The following SURF6 variants were observed in gnomAD, a reference collection of about 807,000 sequenced individuals.
SURF6 encodes the protein surfeit 6.
A neutral mutation model predicts 37.5 loss-of-function variants in SURF6; 28 were observed. The ratio of observed to expected loss-of-function variants is 0.75; its 90% confidence interval spans 0.55 to 1.02. The LOEUF (loss-of-function observed/expected upper bound fraction) is 1.02. SURF6 is among the 50% of genes least tolerant of loss of function. The pLI is 0.00. For synonymous variants in SURF6, 248 were observed against 210.9 expected (o/e 1.18, Z -1.52); for missense variants, 560 against 490.5 (o/e 1.14, Z -1.34).
rs2129920783 is a variant in SURF6, at chr9:133,332,712, TCCG to T, written c.439_441del (p.Arg148del). Reference sequence around the variant, plus strand: ...TTCTTCCGGTCCCGTTCCTGCTTTCTCCGCCGCCTTTTCTCCAAGGCGGCAGGG... The same window carrying T: ...TTCTTCCGGTCCCGTTCCTGCTTTCTCCGCCTTTTCTCCAAGGCGGCAGGG... On this transcript the variant is annotated inframe_deletion, in exon 4 of 5. Coordinates refer to ENST00000372022, the MANE Select transcript of SURF6 (RefSeq NM_006753.6). The T allele has an allele frequency of 7.4e-6, 12 of 1,611,976 alleles. No individual in the cohort carries two copies. Among genetic ancestry groups the T allele is most frequent in the Non-Finnish European group, 1.0e-5 (12 of 1,180,012 alleles).
rs1835704870 is a variant in SURF6, at chr9:133,330,742, G to A, written c.*1127C>T. ...AGCTCAAATTTTTTTTAATGACATT[G>A]GGATACGGTCAGATAACGACACTGA... On this transcript the variant is annotated 3_prime_UTR_variant, in exon 5 of 5. Transcript: ENST00000372022. The A allele has an allele frequency of 6.6e-6, 1 of 151,960 alleles. No homozygotes were observed. Among genetic ancestry groups the A allele is most frequent in the Non-Finnish European group, 1.5e-5 (1 of 68,002 alleles). 9.4% of individuals were successfully genotyped at this position (151,960 alleles called of 1,614,324 possible). A position where few individuals can be genotyped will look rare whatever the true frequency, so the allele number is the denominator to read the frequency against.
chr9:133,335,803 G>A (rs1835859674), intron 1 of SURF6, among the ~76,000 whole-genome samples: 1 of 152,154 alleles, frequency 6.6e-6, no homozygotes, highest in Non-Finnish European at 1.5e-5. Flanking sequence ...GTGAACCCGG[G>A]AGACGGAGCT....
intron 3 of SURF6, 59 bp downstream of exon 3, chr9:133,333,659 G>T: frequency 6.5e-7 from 1 of 1,535,400 alleles, no homozygotes; most frequent in South Asian, 1.1e-5. Context: ...GCTGACAGCT[G>T]ACCCCAGGGA....
In SURF6 at chr9:133,332,603, G is replaced by A; in HGVS notation, c.551C>T (p.Thr184Ile). 1 of 1,610,342 alleles carries A rather than the reference G, an allele frequency of 6.2e-7. No individual in the cohort carries two copies. The highest frequency in any genetic ancestry group is 8.5e-7 in the Non-Finnish European group (1 of 1,180,004). ...ATEAQEVVEA[T>I]PEGACTEPRE... ...CGGCTCCGTGCAGGCCCCCTCTGGG[G>A]TTGCCTCCACCACCTCCTGGGCCTC... The change falls in exon 4 of 5, where the codon ACC becomes ATC. Residue 184 changes from threonine (T) to isoleucine (I), a missense_variant. Thr to Ile is a moderately conservative substitution (Grantham distance 89). Coordinates refer to ENST00000372022, the MANE Select transcript of SURF6 (RefSeq NM_006753.6).
Position 133,329,142 on chromosome 9 carries a change from C to CA in SURF6, c.*2726dup, listed in dbSNP as rs2129901339. 5.9e-5 allele frequency: 9 copies of CA among 153,124 alleles called. No individual in the cohort carries two copies. Among genetic ancestry groups the CA allele is most frequent in the African/African-American group, 1.7e-4 (7 of 41,472 alleles). 9.5% of individuals were successfully genotyped at this position (153,124 alleles called of 1,614,324 possible). On this transcript the variant is annotated 3_prime_UTR_variant, in exon 5 of 5. Transcript: ENST00000372022. ...AGCCGAGGCAGAGAGAGAGAGGAGA[C>CA]AGAGAGAAAGACAGCTTATGCCATT...
rs2129928061 is a variant in SURF6 at position 133,334,530 on chromosome 9, G to A, written c.166C>T (p.Arg56Trp). 1.3e-5 allele frequency: 21 copies of A among 1,613,776 alleles called. No homozygotes were observed. The highest frequency in any genetic ancestry group is 3.3e-5 in the Admixed American group (2 of 59,994). The change falls in exon 2 of 5, where the codon CGG becomes TGG. Residue 56 changes from arginine to tryptophan, a missense_variant. Transcript: ENST00000372022. ...KKRKKTQKKFRKREEKAAEHK... is the reference protein window; with the variant it reads ...KKRKKTQKKFWKREEKAAEHK... ...TCAGCAGCCTTCTCTTCTCGCTTCCGGAATTTCTTTTGTGTTTTCTTCCTT... is the reference window on the plus strand; with the variant it reads ...TCAGCAGCCTTCTCTTCTCGCTTCCAGAATTTCTTTTGTGTTTTCTTCCTT...
At chr9:133,335,412 T>C (rs2129931282) in intron 1 of SURF6, among the ~76,000 whole-genome samples, 2 of 152,130 alleles carry the variant, frequency 1.3e-5, no homozygotes, top group Admixed American at 6.5e-5. Flanking sequence ...GGATTTGCTA[T>C]AACCAATATA....
At position 133,332,715 on chromosome 9, in the gene SURF6, G is replaced by C. The variant is rs146687433; in HGVS notation, c.439C>G (p.Arg147Gly). ...TTCCGGTCCCGTTCCTGCTTTCTCC[G>C]CCGCCTTTTCTCCAAGGCGGCAGGG... Reference protein sequence around the residue: ...LSPAALEKRRRRKQERDRKKR... With the variant: ...LSPAALEKRRGRKQERDRKKR... Residue 147 changes from arginine to glycine, a missense_variant, in exon 4 of 5, where the codon CGG becomes GGG. Transcript: ENST00000372022. The C allele has an allele frequency of 1.5e-3, 2,370 of 1,611,638 alleles. 37 individuals carry two copies. In the African/African-American group the frequency reaches 0.027, roughly 19 times the overall value.
At chr9:133,333,209 T>G (rs2129922896) in intron 3 of SURF6, among the ~76,000 whole-genome samples, 3 of 152,148 alleles carry the variant, frequency 2.0e-5, no homozygotes, top group African/African-American at 7.2e-5. Flanking sequence ...ACGAGACCTG[T>G]GCTTCAGGAA....
rs1835653313 is a variant in SURF6, at chr9:133,328,995, GCA to G, written c.*2872_*2873del. 1 of 154,662 alleles carries G rather than the reference GCA, an allele frequency of 6.5e-6. No homozygotes were observed. Among genetic ancestry groups the G allele is most frequent in the African/African-American group, 2.4e-5 (1 of 41,466 alleles). 9.6% of individuals were successfully genotyped at this position (154,662 alleles called of 1,614,324 possible). The stretch of plus-strand genomic sequence containing the variant: ...CGGTAGTGGCCCCGAATGTCTGGCT[GCA>G]TTGTTATTTATTGGATACAAAGCAA... On this transcript the variant is annotated 3_prime_UTR_variant, in exon 5 of 5. Transcript: ENST00000372022.
At position 133,332,224 on chromosome 9, in the gene SURF6, T is replaced by C; in HGVS notation, c.731A>G (p.Gln244Arg). Residue 244 changes from glutamine (Q) to arginine (R), a missense_variant, in exon 5 of 5, where the codon CAG (glutamine) becomes CGG (arginine). Transcript: ENST00000372022. ...CTCGTCCAGCCGGCTCTGCCGTGCC[T>C]GCAGGCGCTCCAGCAGCTGCCGGTA... ...RNYRQLLERL[Q>R]ARQSRLDELR... The C allele has an allele frequency of 6.2e-7, 1 of 1,606,836 alleles. No individual in the cohort carries two copies. Among genetic ancestry groups the C allele is most frequent in the Non-Finnish European group, 8.5e-7 (1 of 1,179,914 alleles).
chr9:133,330,078 T>A lies in SURF6; in HGVS notation c.*1791A>T, dbSNP rs1835687108. 6.6e-6 allele frequency: 1 copy of A among 152,334 alleles called. No homozygotes were observed. Among genetic ancestry groups the A allele is most frequent in the East Asian group, 1.9e-4 (1 of 5,192 alleles). The allele number at this position is 152,334 out of a possible 1,614,324, so 9.4% of individuals were successfully genotyped here. On this transcript the variant is annotated 3_prime_UTR_variant, in exon 5 of 5. Transcript: ENST00000372022. Reference sequence around the variant, plus strand: ...CAGTTTTGGAGATTTTTCTTCCATTTACTTTGAGTTGTTCCAACTTAAGCT... The same window carrying A: ...CAGTTTTGGAGATTTTTCTTCCATTAACTTTGAGTTGTTCCAACTTAAGCT...
Position 133,331,841 on chromosome 9 carries a change from G to T in SURF6, c.*28C>A. On this transcript the variant is annotated 3_prime_UTR_variant, in exon 5 of 5. Coordinates refer to ENST00000372022, the MANE Select transcript of SURF6 (RefSeq NM_006753.6). ...GGGTGTCCTGGAGTCTCCTAGGACG[G>T]AAGACGGCGGCCCCAGGTGGGAAAG... 2.0e-6 allele frequency: 3 copies of T among 1,496,538 alleles called. No homozygotes were observed. Among genetic ancestry groups the T allele is most frequent in the Non-Finnish European group, 2.6e-6 (3 of 1,133,380 alleles). The allele number at this position is 1,496,538 out of a possible 1,614,324, so 92.7% of individuals were successfully genotyped here. A position where few individuals can be genotyped will look rare whatever the true frequency, so the allele number is the denominator to read the frequency against.
rs1003725955 is a variant in SURF6, at chr9:133,330,956, T to C, written c.*913A>G. ...TTTTTCATCAGTTGCCTCTGTCTGG[T>C]AACAGTCACACCAGCTCCTGTTCAG... is the stretch of plus-strand genomic sequence containing the variant. On this transcript the variant is annotated 3_prime_UTR_variant, in exon 5 of 5. Transcript: ENST00000372022. The C allele has an allele frequency of 1.2e-4, 18 of 152,266 alleles. No homozygotes were observed. Among genetic ancestry groups the C allele is most frequent in the Non-Finnish European group, 2.9e-5 (2 of 68,050 alleles). The allele number at this position is 152,266 out of a possible 1,614,324, so 9.4% of individuals were successfully genotyped here.
intron 4 of SURF6, 49 bp from the exon 5 acceptor site, chr9:133,332,397 C>T (rs2129918190): frequency 6.5e-7 from 1 of 1,536,376 alleles, no homozygotes; most frequent in Admixed American, 1.9e-5. Flanking sequence ...CACTAGGCCC[C>T]AGCCTTGGCC....
Position 133,330,170 on chromosome 9 carries a change from T to C in SURF6, c.*1699A>G, listed in dbSNP as rs1390688304. On this transcript the variant is annotated 3_prime_UTR_variant, in exon 5 of 5. Transcript: ENST00000372022. ...GCGTATGTGTGTATAAATGGCACTA[T>C]TTATCTGTAGATGCACATACATTTA... 1 of 152,238 alleles carries C rather than the reference T, an allele frequency of 6.6e-6. No homozygotes were observed. Among genetic ancestry groups the C allele is most frequent in the African/African-American group, 2.4e-5 (1 of 41,464 alleles). The allele number at this position is 152,238 out of a possible 1,614,324, so 9.4% of individuals were successfully genotyped here.
chr9:133,335,579 CCA>C, intron 1 of SURF6, among the ~76,000 whole-genome samples: 1 of 152,182 alleles, frequency 6.6e-6, no homozygotes, highest in East Asian at 1.9e-4. Context: ...GGTCACCAGG[CCA>C]TGAGAACCCT....
chr9:133,330,210 T>C lies in SURF6; in HGVS notation c.*1659A>G, dbSNP rs1325868647. The C allele has an allele frequency of 1.3e-5, 2 of 152,238 alleles. No homozygotes were observed. Among genetic ancestry groups the C allele is most frequent in the Non-Finnish European group, 1.5e-5 (1 of 68,044 alleles). The allele number at this position is 152,238 out of a possible 1,614,324, so 9.4% of individuals were successfully genotyped here. On this transcript the variant is annotated 3_prime_UTR_variant, in exon 5 of 5. Coordinates refer to ENST00000372022, the MANE Select transcript of SURF6 (RefSeq NM_006753.6). Reference sequence around the variant, plus strand: ...ACATACATTTAGGGGCTATGTTTTTTTGTGCTGCTTTAGCTCTGTTCCACA... The same window carrying C: ...ACATACATTTAGGGGCTATGTTTTTCTGTGCTGCTTTAGCTCTGTTCCACA...
Position 133,330,040 on chromosome 9 carries a change from T to C in SURF6, c.*1829A>G, listed in dbSNP as rs1204686373. On this transcript the variant is annotated 3_prime_UTR_variant, in exon 5 of 5. Transcript: ENST00000372022. ...ATCAGTGATTACAACTCAGGCTTTCTATTACTTTTAGTCAGTTTTGGAGAT... is the reference window on the plus strand; with the variant it reads ...ATCAGTGATTACAACTCAGGCTTTCCATTACTTTTAGTCAGTTTTGGAGAT... 1 of 152,260 alleles carries C rather than the reference T, an allele frequency of 6.6e-6. No homozygotes were observed. The highest frequency in any genetic ancestry group is 2.4e-5 in the African/African-American group (1 of 41,476). The allele number at this position is 152,260 out of a possible 1,614,324, so 9.4% of individuals were successfully genotyped here.
Sources: allele counts gnomAD v4.1 joint callset (sites outside exome capture counted in the v4.1 genomes callset), GRCh38; gene constraint gnomAD v4.1.1; transcripts MANE v1.5; gene names NCBI Gene and HGNC (gene_info 2026-07-23, HGNC 2026-07-21).